Variants in MPZL1 observed in about 807,000 individuals in gnomAD.
The protein encoded by MPZL1 is myelin protein zero-like protein 1.
In MPZL1, 16 loss-of-function variants were observed where a neutral mutation model predicts 29.3. That is an observed-to-expected ratio of 0.55 (90% CI 0.37 to 0.83). The LOEUF (loss-of-function observed/expected upper bound fraction) is 0.83, where lower values mean the gene tolerates loss of function less well. MPZL1 is among the 40% of genes least tolerant of loss of function. MPZL1 has a pLI of 0.00. For missense variants in MPZL1, 279 were observed against 332.9 expected (o/e 0.84, Z 1.26); for synonymous variants, 143 against 132.0 (o/e 1.08, Z -0.57).
chr1:167,771,361 C>T (rs192918363), intron 2 of MPZL1, among the ~76,000 whole-genome samples: 2 of 152,286 alleles, frequency 1.3e-5, no homozygotes, highest in African/African-American at 4.8e-5. Context: ...TTTCTTAGTA[C>T]AGAACAAAAT....
At chr1:167,730,602 C>T (rs1457477311) in intron 1 of MPZL1, among the ~76,000 whole-genome samples, 2 of 152,142 alleles carry the variant, frequency 1.3e-5, no homozygotes, top group Non-Finnish European at 2.9e-5. Context: ...AGGTTCTTCT[C>T]ACTCATACCT....
intron 1 of MPZL1, among the ~76,000 whole-genome samples, chr1:167,758,834 T>C (rs947431950): frequency 1.3e-5 from 2 of 152,202 alleles, no homozygotes; most frequent in African/African-American, 4.8e-5. Flanking sequence ...ATTCTTGCCC[T>C]TTAAACTCTA....
intron 1 of MPZL1, among the ~76,000 whole-genome samples, chr1:167,728,963 A>G (rs1242601089): frequency 6.6e-6 from 1 of 152,110 alleles, no homozygotes; most frequent in Non-Finnish European, 1.5e-5. Flanking sequence ...TATTACGTGC[A>G]TTTTAAAAGA....
chr1:167,730,648 T>C (rs1660244151), intron 1 of MPZL1, among the ~76,000 whole-genome samples: 1 of 152,230 alleles, frequency 6.6e-6, no homozygotes, highest in Non-Finnish European at 1.5e-5. Context: ...GAATCCATTA[T>C]ACTGAGTGAT....
At chr1:167,740,261 T>G (rs1004431725) in intron 1 of MPZL1, among the ~76,000 whole-genome samples, 10 of 152,320 alleles carry the variant, frequency 6.6e-5, no homozygotes, top group African/African-American at 2.2e-4. Context: ...GGGCCGTAAC[T>G]CTTAGCAAAT....
intron 5 of MPZL1, among the ~76,000 whole-genome samples, chr1:167,780,955 T>A (rs562084853): frequency 7.6e-4 from 116 of 152,184 alleles, no homozygotes; most frequent in South Asian, 1.0e-3. Context: ...TCAAGAGAAA[T>A]CTGGGTGGTA....
At chr1:167,728,309 GT>G (rs1301202766) in intron 1 of MPZL1, among the ~76,000 whole-genome samples, 1 of 150,340 alleles carries the variant, frequency 6.7e-6, no homozygotes, top group Non-Finnish European at 1.5e-5. Context: ...GATTACAGGC[GT>G]GAGCCACCGT....
At chr1:167,748,063 A>G (rs979756999) in intron 1 of MPZL1, among the ~76,000 whole-genome samples, 3 of 152,060 alleles carry the variant, frequency 2.0e-5, no homozygotes, top group Non-Finnish European at 4.4e-5. Context: ...TCAATATTTC[A>G]TTTCTTTTTA....
intron 1 of MPZL1, among the ~76,000 whole-genome samples, chr1:167,726,071 T>G (rs1660139204): frequency 6.6e-6 from 1 of 152,280 alleles, no homozygotes; most frequent in South Asian, 2.1e-4. Context: ...TGAAAAGCTC[T>G]TTGTGATCTG....
intron 5 of MPZL1, among the ~76,000 whole-genome samples, chr1:167,785,854 G>C (rs1419389994): frequency 6.6e-6 from 1 of 152,068 alleles, no homozygotes; most frequent in Admixed American, 6.5e-5. Flanking sequence ...GTGCAGTGGC[G>C]CTATCTTGGC....
intron 1 of MPZL1, among the ~76,000 whole-genome samples, chr1:167,724,901 G>T (rs1428379666): frequency 6.6e-6 from 1 of 152,018 alleles, no homozygotes; most frequent in Non-Finnish European, 1.5e-5. Flanking sequence ...GGAGTTTTGG[G>T]GTATATGAAA....
At chr1:167,757,135 C>T (rs548533237) in intron 1 of MPZL1, among the ~76,000 whole-genome samples, 30 of 152,268 alleles carry the variant, frequency 2.0e-4, no homozygotes, top group Admixed American at 3.3e-4. Flanking sequence ...CCCTGATTCG[C>T]GGGAGGAAAG....
intron 1 of MPZL1, among the ~76,000 whole-genome samples, chr1:167,736,545 G>C (rs1475997455): frequency 6.6e-6 from 1 of 152,088 alleles, no homozygotes; most frequent in Admixed American, 6.5e-5. Context: ...GCTTGCTGCT[G>C]TCCTATTTGT....
chr1:167,781,103 G>A lies in MPZL1; in HGVS notation c.708+4937G>A, dbSNP rs192157412. 5.7e-4 allele frequency among the ~76,000 whole-genome samples: 86 copies of A among 152,202 alleles called. 2 individuals carry two copies. In the East Asian group the frequency reaches 0.011, roughly 19 times the overall value. ...TTCTAATAATAGAGCTTGAAAGTAA[G>A]TGAAGTAAAACTAAGAGAATTGAAA... On this transcript the variant is annotated intron_variant, in intron 5 of 5. Transcript: ENST00000359523.
At chr1:167,732,952 A>T (rs1571134807) in intron 1 of MPZL1, among the ~76,000 whole-genome samples, 3 of 152,222 alleles carry the variant, frequency 2.0e-5, no homozygotes, top group African/African-American at 7.2e-5. Context: ...CTCCTTTAGA[A>T]ATTTATGCTA....
chr1:167,722,495 T>C (rs1281517892), intron 1 of MPZL1, among the ~76,000 whole-genome samples: 1 of 151,940 alleles, frequency 6.6e-6, no homozygotes, highest in Non-Finnish European at 1.5e-5. Flanking sequence ...GGAGAGTGCT[T>C]TACCTTGCTC....
At chr1:167,734,691 G>A (rs1479913391) in intron 1 of MPZL1, among the ~76,000 whole-genome samples, 1 of 152,162 alleles carries the variant, frequency 6.6e-6, no homozygotes, top group Non-Finnish European at 1.5e-5. Flanking sequence ...TAGAAGCAAA[G>A]AGAGGCGTTG....
Position 167,788,128 on chromosome 1 carries a change from T to C in MPZL1, c.*207T>C. On this transcript the variant is annotated 3_prime_UTR_variant, in exon 6 of 6. Transcript: ENST00000359523. ...GATATGAGGAGCCAGTGTTGCATGA[T>C]GAAAAGATGGTATGATTCTACATAT... 4.0e-6 allele frequency: 2 copies of C among 499,534 alleles called. No homozygotes were observed. 30.9% of individuals were successfully genotyped at this position (499,534 alleles called of 1,614,324 possible). A position where few individuals can be genotyped will look rare whatever the true frequency, so the allele number is the denominator to read the frequency against.
chr1:167,759,231 A>G (rs1660930910), intron 1 of MPZL1, among the ~76,000 whole-genome samples: 1 of 152,256 alleles, frequency 6.6e-6, no homozygotes, highest in South Asian at 2.1e-4. Flanking sequence ...AATGTAGATT[A>G]GAACAATAGT....
Sources: allele counts gnomAD v4.1 joint callset (sites outside exome capture counted in the v4.1 genomes callset), GRCh38; gene constraint gnomAD v4.1.1; transcripts MANE v1.5; gene names NCBI Gene and HGNC (gene_info 2026-07-23, HGNC 2026-07-21).